Variants in AKR1D1 observed in about 807,000 individuals in gnomAD.
AKR1D1 encodes the protein aldo-keto reductase family 1 member D1.
Under a neutral mutation model 42.6 loss-of-function variants are expected in AKR1D1, and 32 were observed. The ratio of observed to expected loss-of-function variants is 0.75; its 90% CI spans 0.57 to 1.01. The LOEUF (loss-of-function observed/expected upper bound fraction) is 1.01, where lower values mean the gene tolerates loss of function less well. AKR1D1 is among the 50% of genes least tolerant of loss of function. The pLI is 0.00. For missense variants in AKR1D1, 364 were observed against 402.2 expected (o/e 0.91, Z 0.81); for synonymous variants, 123 against 135.5 (o/e 0.91, Z 0.64).
intron 4 of AKR1D1, among the ~76,000 whole-genome samples, chr7:138,103,743 C>G (rs545456951): frequency 6.6e-6 from 1 of 151,860 alleles, no homozygotes; most frequent in Non-Finnish European, 1.5e-5. Context: ...AAGAGTTGTG[C>G]GTGAAGATGA....
intron 7 of AKR1D1, among the ~76,000 whole-genome samples, chr7:138,110,372 G>T (rs888353127): frequency 6.6e-6 from 1 of 152,184 alleles, no homozygotes; most frequent in Admixed American, 6.5e-5. Context: ...GCCGAGGCAG[G>T]AAGATTGCTT....
At position 138,106,696 on chromosome 7, in the gene AKR1D1, G is replaced by T; in HGVS notation, c.668G>T (p.Gly223Val). 1.2e-6 allele frequency: 2 copies of T among 1,612,230 alleles called. No homozygotes were observed. Among genetic ancestry groups the T allele is most frequent in the South Asian group, 2.2e-5 (2 of 91,046 alleles). ...DIVITAYSPL[G>V]TSRNPIWVNV... ...GTCATTACTGCATATAGCCCTTTGG[G>T]GACCAGTAGGAATCCAATCTGGTAA... Residue 223 changes from glycine (G) to valine (V), a missense_variant, in exon 6 of 9, where the codon GGG becomes GTG. Gly to Val is a moderately radical substitution (Grantham distance 109). Transcript: ENST00000242375.
At chr7:138,101,135 TAA>T (rs71777889) in intron 4 of AKR1D1, among the ~76,000 whole-genome samples, 2,161 of 150,530 alleles carry the variant, frequency 0.014, 68 homozygotes, top group African/African-American at 0.051. Flanking sequence ...CACCAAAATA[TAA>T]GAGTGTTTTC....
chr7:138,081,935 C>T (rs1803068337), intron 1 of AKR1D1, among the ~76,000 whole-genome samples: 1 of 152,152 alleles, frequency 6.6e-6, no homozygotes, highest in African/African-American at 2.4e-5. Flanking sequence ...GACTCCATGG[C>T]TGTGAAATTA....
intron 3 of AKR1D1, among the ~76,000 whole-genome samples, chr7:138,094,666 C>T (rs924613712): frequency 2.0e-5 from 3 of 152,124 alleles, no homozygotes; most frequent in Non-Finnish European, 4.4e-5. Context: ...CAGGTGTGTG[C>T]CACCACACTC....
intron 4 of AKR1D1, among the ~76,000 whole-genome samples, chr7:138,100,153 A>G (rs1794267713): frequency 6.6e-6 from 1 of 151,068 alleles, no homozygotes; most frequent in Admixed American, 6.6e-5. Context: ...CCAGAGCATA[A>G]TAAATAATCC....
At chr7:138,101,428 G>T (rs1041791011) in intron 4 of AKR1D1, among the ~76,000 whole-genome samples, 37 of 151,980 alleles carry the variant, frequency 2.4e-4, no homozygotes, top group African/African-American at 7.7e-4. Context: ...TCGAACTCCT[G>T]ACCTCGTGAT....
At chr7:138,086,065 T>C (rs1585722215) in intron 1 of AKR1D1, among the ~76,000 whole-genome samples, 1 of 152,162 alleles carries the variant, frequency 6.6e-6, no homozygotes, top group Non-Finnish European at 1.5e-5. Context: ...ATGCCAGGCA[T>C]GGTGGCACAC....
intron 3 of AKR1D1, among the ~76,000 whole-genome samples, chr7:138,092,921 C>T (rs951854006): frequency 6.6e-6 from 1 of 152,086 alleles, no homozygotes; most frequent in African/African-American, 2.4e-5. Context: ...ACACTGCACA[C>T]TTAGGGTACA....
intron 1 of AKR1D1, among the ~76,000 whole-genome samples, chr7:138,076,948 T>C (rs1802951200): frequency 6.6e-6 from 1 of 152,146 alleles, no homozygotes; most frequent in African/African-American, 2.4e-5. Context: ...TATGAGATAA[T>C]TTTTAGTTCA....
chr7:138,100,699 CTT>C (rs749956421), intron 4 of AKR1D1, among the ~76,000 whole-genome samples: 2,400 of 88,260 alleles, frequency 0.027, 42 homozygotes, highest in African/African-American at 0.1. Flanking sequence ...GTCAGAGATT[CTT>C]TTTTTTTTTT....
chr7:138,094,630 C>T (rs1794150019), intron 3 of AKR1D1, among the ~76,000 whole-genome samples: 1 of 152,204 alleles, frequency 6.6e-6, no homozygotes, highest in South Asian at 2.1e-4. Flanking sequence ...ATCCTCCTGC[C>T]TCAGCCTCCC....
rs1794643745 is a variant in AKR1D1 at position 138,116,804 on chromosome 7, G to T, written c.*142G>T. Reference sequence around the variant, plus strand: ...TGATGGAAACATGTTTAATGTTTGTGCAGTGTAAATGACTTTGACTCAGTC... The same window carrying T: ...TGATGGAAACATGTTTAATGTTTGTTCAGTGTAAATGACTTTGACTCAGTC... On this transcript the variant is annotated 3_prime_UTR_variant, in exon 9 of 9. Transcript: ENST00000242375. 2.6e-6 allele frequency: 2 copies of T among 755,946 alleles called. No individual in the cohort carries two copies. The highest frequency in any genetic ancestry group is 3.4e-5 in the African/African-American group (2 of 58,092). 46.8% of individuals were successfully genotyped at this position (755,946 alleles called of 1,614,324 possible).
intron 1 of AKR1D1, among the ~76,000 whole-genome samples, chr7:138,085,446 C>CTTTT (rs67935838): frequency 1.5e-5 from 2 of 129,802 alleles, no homozygotes; most frequent in Admixed American, 8.2e-5. Context: ...CTTTTCTTTC[C>CTTTT]TTTTTTTTTT....
chr7:138,112,493 G>C (rs1794554500), intron 7 of AKR1D1, among the ~76,000 whole-genome samples: 2 of 152,142 alleles, frequency 1.3e-5, no homozygotes, highest in Admixed American at 6.5e-5. Context: ...GGGTCACTAA[G>C]ATATTATGTG....
chr7:138,091,677 AT>A, intron 2 of AKR1D1, 90 bp from the exon 3 acceptor site: 4 of 1,039,022 alleles, frequency 3.8e-6, no homozygotes, highest in South Asian at 2.6e-5. Flanking sequence ...AAAAAAAAAA[AT>A]GTGTACGAGT....
At chr7:138,107,351 G>A in intron 6 of AKR1D1, 64 bp from the exon 7 acceptor site, 1 of 1,543,054 alleles carries the variant, frequency 6.5e-7, no homozygotes, top group South Asian at 1.1e-5. Context: ...GGAGGAGGAT[G>A]GTTTATTAAC....
intron 8 of AKR1D1, among the ~76,000 whole-genome samples, chr7:138,115,392 G>T (rs1339283657): frequency 6.6e-6 from 1 of 152,100 alleles, no homozygotes; most frequent in Non-Finnish European, 1.5e-5. Flanking sequence ...CTAAGGCTAC[G>T]CTCCAGCCTG....
At chr7:138,114,116 A>T (rs1337094734) in intron 8 of AKR1D1, among the ~76,000 whole-genome samples, 3 of 152,236 alleles carry the variant, frequency 2.0e-5, no homozygotes, top group Non-Finnish European at 4.4e-5. Context: ...TATTCCTAAA[A>T]ATGAAAGTGA....
Sources: allele counts gnomAD v4.1 joint callset (sites outside exome capture counted in the v4.1 genomes callset), GRCh38; gene constraint gnomAD v4.1.1; transcripts MANE v1.5; gene names NCBI Gene and HGNC (gene_info 2026-07-23, HGNC 2026-07-21).